Variants in IDUA observed in about 807,000 individuals in gnomAD.
IDUA encodes iduronidase alpha-L-.
A neutral mutation model predicts 68.9 loss-of-function variants in IDUA; 65 were observed. The observed-to-expected ratio is 0.94, with a 90% CI of 0.77 to 1.16. The LOEUF is 1.16. Ranked by LOEUF, IDUA falls within the 50% of genes most tolerant of loss-of-function variation. The probability of loss-of-function intolerance (pLI) is 0.00; values close to 1 mark genes in which losing one functional copy is unlikely to be tolerated. For missense variants in IDUA, 1,046 were observed against 938.0 expected, an observed-to-expected ratio of 1.12 and a Z score of -1.50; for synonymous variants, 529 against 433.6, an observed-to-expected ratio of 1.22 and a Z score of -2.73.
In IDUA at chr4:1,000,965, T is replaced by G; in HGVS notation, c.469T>G (p.Ser157Ala). Residue 157 changes from serine to alanine, a missense_variant, in exon 4 of 14, where the codon TCC becomes GCC. Coordinates refer to ENST00000514224, the MANE Select transcript of IDUA (RefSeq NM_000203.5). ...GGTGTTTGAGTGGAAGGACTTGGTC[T>G]CCAGCCTGGCCAGGAGATACATCGG... is the stretch of plus-strand genomic sequence containing the variant. ...QQVFEWKDLV[S>A]SLARRYIGRY... The G allele has an allele frequency of 6.2e-7, 1 of 1,613,176 alleles. No homozygotes were observed. Among genetic ancestry groups the G allele is most frequent in the Non-Finnish European group, 8.5e-7 (1 of 1,179,764 alleles).
chr4:989,945 C>T, intron 2 of IDUA: 1 of 1,556,044 alleles, frequency 6.4e-7, no homozygotes, highest in Non-Finnish European at 8.7e-7. Flanking sequence ...GGCTCTGGGA[C>T]CTGAGGGGGC....
intron 2 of IDUA, among the ~76,000 whole-genome samples, chr4:998,025 C>T (rs1197817223): frequency 6.6e-6 from 1 of 152,264 alleles, no homozygotes; most frequent in African/African-American, 2.4e-5. Context: ...TACTCCAACT[C>T]CGTGGGACTT....
intron 2 of IDUA, among the ~76,000 whole-genome samples, chr4:999,097 C>G (rs932759398): frequency 1.3e-5 from 2 of 151,570 alleles, no homozygotes; most frequent in Non-Finnish European, 2.9e-5. Flanking sequence ...CCCAGCTACT[C>G]AGGAGGCTGA....
intron 2 of IDUA, among the ~76,000 whole-genome samples, chr4:994,345 G>A (rs1248007722): frequency 1.1e-4 from 16 of 151,342 alleles, no homozygotes; most frequent in African/African-American, 3.4e-4. Flanking sequence ...GTGTGATCTC[G>A]GCTCACTGGA....
At position 991,763 on chromosome 4, in the gene IDUA, C is replaced by A; in HGVS notation, c.299+3814C>A. 5.2e-6 allele frequency: 8 copies of A among 1,526,370 alleles called. No homozygotes were observed. In the South Asian group the frequency reaches 9.6e-5, roughly 18 times the overall value. The allele number at this position is 1,526,370 out of a possible 1,614,324, so 94.6% of individuals were successfully genotyped here. A position where few individuals can be genotyped will look rare whatever the true frequency, so the allele number is the denominator to read the frequency against. On this transcript the variant is annotated intron_variant, in intron 2 of 13. Transcript: ENST00000514224. ...CGAGAAGAGGGCATGGTCACAGGAG[C>A]CCCCGGATCCAGGGCCAAACGACAA...
intron 2 of IDUA, 58 bp from the exon 3 acceptor site, chr4:1,000,554 C>A: frequency 7.4e-7 from 1 of 1,356,798 alleles, no homozygotes; most frequent in Non-Finnish European, 1.1e-6. Flanking sequence ...ACGGTTCCAG[C>A]CTGGAGCATG....
At chr4:990,927 C>T in intron 2 of IDUA, 1 of 575,822 alleles carries the variant, frequency 1.7e-6, no homozygotes, top group Non-Finnish European at 3.0e-6. Flanking sequence ...TGCCCCTCCC[C>T]TCCTGCATCC....
At chr4:987,582 G>T in intron 1 of IDUA, 2 of 1,387,306 alleles carry the variant, frequency 1.4e-6, no homozygotes, top group Non-Finnish European at 1.9e-6. Flanking sequence ...TCCTGGCAGG[G>T]CCAGGGCCAG....
Position 1,004,296 on chromosome 4 carries a change from C to G in IDUA, c.1865C>G (p.Ala622Gly), listed in dbSNP as rs375422485. The G allele has an allele frequency of 6.2e-7, 1 of 1,611,176 alleles. No individual in the cohort carries two copies. The highest frequency in any genetic ancestry group is 8.5e-7 in the Non-Finnish European group (1 of 1,179,948). The change falls in exon 14 of 14, where the codon GCC becomes GGC. Residue 622 changes from alanine to glycine, a missense_variant. Physicochemically the swap from Ala to Gly is moderately conservative, Grantham distance 60. Transcript: ENST00000514224. The surrounding 1 kb of genome is among the most constrained non-coding windows in gnomAD (Gnocchi z 5.0). The part of the protein sequence containing the change: ...GAVSGSYRVR[A>G]LDYWARPGPF... ...GTCTCTGGCTCCTACCGAGTTCGAG[C>G]CCTGGACTACTGGGCCCGACCAGGC...
intron 2 of IDUA, chr4:990,561 G>A: frequency 3.3e-6 from 2 of 602,410 alleles, no homozygotes; most frequent in South Asian, 4.0e-5. Context: ...GCAGACAACT[G>A]TGACATCCAC....
chr4:1,000,704 T>A lies in IDUA; in HGVS notation c.385+7T>A, dbSNP rs1361957376. ...GAGAACCAGCTCCTCCCAGGTGAGC[T>A]GTGGGCTCTGCCCTCCCAGCCCGCC... On this transcript the variant is annotated splice_region_variant and intron_variant, in intron 3 of 13. Coordinates refer to ENST00000514224, the MANE Select transcript of IDUA (RefSeq NM_000203.5). The A allele has an allele frequency of 1.2e-5, 20 of 1,604,756 alleles. No homozygotes were observed. The highest frequency in any genetic ancestry group is 1.7e-5 in the Non-Finnish European group (20 of 1,173,240).
At chr4:990,923 T>C (rs1577518440) in intron 2 of IDUA, 1 of 554,516 alleles carries the variant, frequency 1.8e-6, no homozygotes, top group Non-Finnish European at 3.1e-6. Flanking sequence ...CCCGTGCCCC[T>C]CCCCTCCTGC....
rs763252022 is a variant in IDUA at position 1,002,728 on chromosome 4, G to A, written c.1190-4G>A. On this transcript the variant is annotated splice_region_variant and splice_polypyrimidine_tract_variant and intron_variant, in intron 8 of 13. Coordinates refer to ENST00000514224, the MANE Select transcript of IDUA (RefSeq NM_000203.5). ...CGCGGCGACGGCCCCCCCCCGCCCC[G>A]CAGATGAGGAGCAGCTCTGGGCCGA... 4 of 1,402,810 alleles carry A rather than the reference G, an allele frequency of 2.9e-6. No individual in the cohort carries two copies. Among genetic ancestry groups the A allele is most frequent in the South Asian group, 2.7e-5 (2 of 74,350 alleles). The allele number at this position is 1,402,810 out of a possible 1,614,324, so 86.9% of individuals were successfully genotyped here.
At chr4:991,901 A>T in intron 2 of IDUA, 1 of 1,184,888 alleles carries the variant, frequency 8.4e-7, no homozygotes, top group Non-Finnish European at 1.2e-6. Flanking sequence ...CCCGGTATGG[A>T]TGGACGCTGG....
In IDUA at chr4:989,440, C is replaced by G. The variant is rs924185641; in HGVS notation, c.299+1491C>G. 1.9e-6 allele frequency: 3 copies of G among 1,554,292 alleles called. No individual in the cohort carries two copies. The highest frequency in any genetic ancestry group is 1.9e-5 in the Admixed American group (1 of 51,288). Reference sequence around the variant, plus strand: ...TGGGCGTTGGGTGCGGCCGGCCAGGCTGAGCAGCGAGAGGATGACGCCAGC... The same window carrying G: ...TGGGCGTTGGGTGCGGCCGGCCAGGGTGAGCAGCGAGAGGATGACGCCAGC... On this transcript the variant is annotated intron_variant, in intron 2 of 13. Transcript: ENST00000514224.
chr4:987,124 C>T lies in IDUA; in HGVS notation c.40C>T (p.Leu14=). The part of the protein sequence containing the change: ...LRPRAALLAL[L]ASLLAAPPVA... ...CCCCCGCGCCGCGCTGCTGGCGCTC[C>T]TGGCCTCGCTCCTGGCCGCGCCCCC... Residue 14 remains leucine (L), a synonymous_variant, in exon 1 of 14, where the codon CTG becomes TTG. Coordinates refer to ENST00000514224, the MANE Select transcript of IDUA (RefSeq NM_000203.5). The T allele has an allele frequency of 6.9e-7, 1 of 1,440,776 alleles. No homozygotes were observed. Among genetic ancestry groups the T allele is most frequent in the Non-Finnish European group, 9.1e-7 (1 of 1,101,520 alleles). The allele number at this position is 1,440,776 out of a possible 1,614,324, so 89.2% of individuals were successfully genotyped here. A position where few individuals can be genotyped will look rare whatever the true frequency, so the allele number is the denominator to read the frequency against.
At chr4:1,002,201 T>G in intron 7 of IDUA, 40 bp downstream of exon 7, 1 of 1,567,964 alleles carries the variant, frequency 6.4e-7, no homozygotes, top group Non-Finnish European at 8.6e-7. Context: ...CCGGCCACCT[T>G]CCTCCCGAGA....
At chr4:991,899 G>A in intron 2 of IDUA, 2 of 1,203,688 alleles carry the variant, frequency 1.7e-6, no homozygotes, top group Non-Finnish European at 2.4e-6. Flanking sequence ...TGCCCGGTAT[G>A]GATGGACGCT....
chr4:990,362 C>T lies in IDUA; in HGVS notation c.299+2413C>T. ...CCCAGCCGGAGGACGCCCATGAGGA[C>T]CTGTGGACGGAGTGCGGTCAGGCCA... On this transcript the variant is annotated intron_variant, in intron 2 of 13. Transcript: ENST00000514224. The T allele has an allele frequency of 1.9e-6, 3 of 1,592,286 alleles. 1 individual carries two copies. The South Asian group carries it at 3.4e-5, about 18-fold the overall frequency.
Sources: allele counts gnomAD v4.1 joint callset (sites outside exome capture counted in the v4.1 genomes callset), GRCh38; gene constraint gnomAD v4.1.1; non-coding constraint Gnocchi (gnomAD v3.1); transcripts MANE v1.5; gene names NCBI Gene and HGNC (gene_info 2026-07-23, HGNC 2026-07-21).